The following PPARGC1A variants were observed in gnomAD, a reference collection of about 807,000 sequenced individuals.
PPARGC1A encodes PPARG coactivator 1 alpha.
Under a neutral mutation model 88.7 loss-of-function variants are expected in PPARGC1A, and 25 were observed. The observed-to-expected ratio is 0.28, with a 90% CI of 0.21 to 0.39. PPARGC1A has a LOEUF of 0.39. PPARGC1A is among the 10% of genes least tolerant of loss of function. The pLI is 1.00. For missense variants in PPARGC1A, 880 were observed against 968.7 expected (o/e 0.91, Z 1.22); for synonymous variants, 363 against 355.6 (o/e 1.02, Z -0.24).
At chr4:23,947,352 GATATATAT>G in the PPARGC1A span, among the ~76,000 whole-genome samples, 86 of 75,846 alleles carry the variant, frequency 1.1e-3, 1 homozygote, top group African/African-American at 5.0e-3. Context: ...GTTATATAGT[GATATATAT>G]ATATATATAT....
chr4:24,063,100 A>T, the PPARGC1A span, among the ~76,000 whole-genome samples: 1 of 152,084 alleles, frequency 6.6e-6, no homozygotes, highest in Admixed American at 6.5e-5. Flanking sequence ...TTCTGTGGCA[A>T]GTCCCTCTTC....
At chr4:24,153,085 A>G in the PPARGC1A span, among the ~76,000 whole-genome samples, 1 of 152,318 alleles carries the variant, frequency 6.6e-6, no homozygotes, top group South Asian at 2.1e-4. Context: ...TCAGACAGGC[A>G]CTTTGAATAC....
intron 2 of PPARGC1A, among the ~76,000 whole-genome samples, chr4:23,850,362 A>G (rs1729061970): frequency 6.6e-6 from 1 of 152,228 alleles, no homozygotes; most frequent in African/African-American, 2.4e-5. Flanking sequence ...AGCTTCTGTG[A>G]CAGTGCTCAG....
intron 7 of PPARGC1A, among the ~76,000 whole-genome samples, chr4:23,815,720 G>A (rs1472984993): frequency 6.6e-6 from 1 of 152,134 alleles, no homozygotes; most frequent in Non-Finnish European, 1.5e-5. Context: ...CTTTGAAGAA[G>A]GGCAGGCTGG....
the PPARGC1A span, among the ~76,000 whole-genome samples, chr4:24,390,145 C>T: frequency 6.6e-6 from 1 of 151,880 alleles, no homozygotes; most frequent in South Asian, 2.1e-4. Context: ...CAGCCATATC[C>T]TAAGAGTTCA....
chr4:23,830,486 C>G (rs1366495105), intron 3 of PPARGC1A, among the ~76,000 whole-genome samples: 24 of 152,096 alleles, frequency 1.6e-4, no homozygotes, highest in Non-Finnish European at 5.9e-5. Flanking sequence ...GGGAGCAAAG[C>G]CAATGACACT....
chr4:24,248,813 G>C, the PPARGC1A span, among the ~76,000 whole-genome samples: 1 of 152,128 alleles, frequency 6.6e-6, no homozygotes, highest in Non-Finnish European at 1.5e-5. Context: ...TGCCCTTCTG[G>C]GGGTTATAAC....
the PPARGC1A span, among the ~76,000 whole-genome samples, chr4:24,459,434 T>C: frequency 6.6e-6 from 1 of 151,004 alleles, no homozygotes; most frequent in Middle Eastern, 3.2e-3. Context: ...CTGTATTTAA[T>C]GTTATGGATG....
chr4:23,844,992 A>G (rs1269329571), intron 2 of PPARGC1A, among the ~76,000 whole-genome samples: 1 of 150,750 alleles, frequency 6.6e-6, no homozygotes, highest in Non-Finnish European at 1.5e-5. Flanking sequence ...AGTAAGGGCC[A>G]AAGGCCCTGA....
chr4:24,373,355 G>A, the PPARGC1A span, among the ~76,000 whole-genome samples: 23 of 152,248 alleles, frequency 1.5e-4, no homozygotes, highest in East Asian at 3.9e-4. Context: ...GAGATTAAGC[G>A]GCAAGGAAAA....
At chr4:24,089,203 G>T in the PPARGC1A span, among the ~76,000 whole-genome samples, 203 of 152,226 alleles carry the variant, frequency 1.3e-3, 1 homozygote, top group African/African-American at 4.7e-3. Context: ...ACCATGGATG[G>T]CCAAAAGAAG....
the PPARGC1A span, among the ~76,000 whole-genome samples, chr4:24,256,856 C>T: frequency 1.3e-5 from 2 of 152,002 alleles, no homozygotes; most frequent in Admixed American, 1.3e-4. Flanking sequence ...CAGAATGGGG[C>T]CTGGAGAAGA....
chr4:23,866,234 C>CGCCT (rs1711960750), intron 2 of PPARGC1A: 1 of 52,356 alleles, frequency 1.9e-5, no homozygotes, highest in African/African-American at 1.3e-4. Context: ...TGGTACAGCT[C>CGCCT]GCCTTTCTTT....
At chr4:23,889,019 A>C (rs1394429809) in intron 1 of PPARGC1A, 1 of 985,294 alleles carries the variant, frequency 1.0e-6, no homozygotes, top group Non-Finnish European at 1.2e-6. Flanking sequence ...GCTGAATGCA[A>C]ACACGCCGAG....
chr4:23,989,340 T>C, the PPARGC1A span, among the ~76,000 whole-genome samples: 2 of 152,018 alleles, frequency 1.3e-5, no homozygotes, highest in African/African-American at 4.8e-5. Context: ...GTATGCTTTG[T>C]CTTCATAACT....
At chr4:23,890,602 CTTTTTTTTTTTT>C (rs56855205), upstream of PPARGC1A, among the ~76,000 whole-genome samples, 6 of 103,228 alleles carry the variant, frequency 5.8e-5, no homozygotes, top group East Asian at 3.3e-4. Context: ...GCAAACGGGG[CTTTTTTTTTTTT>C]TTTTTTTTTT....
the PPARGC1A span, among the ~76,000 whole-genome samples, chr4:24,420,819 G>A: frequency 3.3e-5 from 5 of 152,190 alleles, no homozygotes; most frequent in East Asian, 9.7e-4. Context: ...CTTAGACTGG[G>A]TAATTCATAA....
chr4:23,863,070 A>G (rs1731526910), intron 2 of PPARGC1A, among the ~76,000 whole-genome samples: 1 of 152,116 alleles, frequency 6.6e-6, no homozygotes, highest in South Asian at 2.1e-4. Flanking sequence ...TTGAAACCAC[A>G]GCCATTTTTC....
At chr4:24,250,664 T>G in the PPARGC1A span, among the ~76,000 whole-genome samples, 1 of 152,060 alleles carries the variant, frequency 6.6e-6, no homozygotes, top group African/African-American at 2.4e-5. Flanking sequence ...AGGAAAAAAC[T>G]AAATAACTTC....
Sources: gnomAD v4.1 joint callset for allele counts (sites outside exome capture counted in the v4.1 genomes callset) on GRCh38, gnomAD v4.1.1 for gene constraint, MANE v1.5 for transcripts, NCBI Gene and HGNC (gene_info 2026-07-23, HGNC 2026-07-21) for gene names.